ZPBP: variants seen among roughly 807,000 people sequenced by gnomAD.
ZPBP encodes zona pellucida binding protein, also known as zona pellucida-binding protein 1.
In ZPBP, 26 loss-of-function variants were observed where a neutral mutation model predicts 44.8. That is an observed-to-expected ratio of 0.58 (90% CI 0.43 to 0.81). ZPBP has a LOEUF of 0.81. Ranked by LOEUF, ZPBP falls within the 30% of genes least tolerant of loss-of-function variation. The pLI is 0.00. For synonymous variants in ZPBP, 174 were observed against 153.2 expected (o/e 1.14, Z -1.00); for missense variants, 409 against 434.0 (o/e 0.94, Z 0.51).
chr7:50,091,469 C>T (rs563855259), intron 1 of ZPBP, among the ~76,000 whole-genome samples: 2 of 152,260 alleles, frequency 1.3e-5, no homozygotes, highest in Non-Finnish European at 2.9e-5. Context: ...TCATCTCTCA[C>T]CTTACATAAA....
At chr7:50,016,439 TA>T (rs1284349950) in intron 6 of ZPBP, among the ~76,000 whole-genome samples, 1 of 152,022 alleles carries the variant, frequency 6.6e-6, no homozygotes, top group East Asian at 1.9e-4. Flanking sequence ...AAAAACAACC[TA>T]TCAGGTACTA....
intron 2 of ZPBP, among the ~76,000 whole-genome samples, chr7:49,883,501 GC>G (rs2094739043): frequency 6.6e-6 from 1 of 152,128 alleles, no homozygotes; most frequent in Non-Finnish European, 1.5e-5. Context: ...GATTAGGAAA[GC>G]TCAAGAAAAA....
chr7:49,888,386 A>G (rs946936984), intron 2 of ZPBP, among the ~76,000 whole-genome samples: 2 of 152,186 alleles, frequency 1.3e-5, no homozygotes, highest in Non-Finnish European at 2.9e-5. Flanking sequence ...CAGATTATCA[A>G]TTTAGGTATG....
In ZPBP at chr7:50,035,219, G is replaced by A. The variant is rs151273843; in HGVS notation, c.488-3909C>T. Among the ~76,000 whole-genome samples, 520 of 152,248 alleles carry A rather than the reference G, an allele frequency of 3.4e-3. 4 individuals carry two copies. Among genetic ancestry groups the A allele is most frequent in the African/African-American group, 0.012 (481 of 41,548 alleles). Reference sequence around the variant, plus strand: ...AAGCAAGGCCCCTAAGCCACCAATCGGAGATACTTTTGATTTGAGGCCTCT... The same window carrying A: ...AAGCAAGGCCCCTAAGCCACCAATCAGAGATACTTTTGATTTGAGGCCTCT... On this transcript the variant is annotated intron_variant, in intron 4 of 7. Transcript: ENST00000046087.
intron 2 of ZPBP, among the ~76,000 whole-genome samples, chr7:49,880,719 T>TA (rs1389481816): frequency 6.6e-6 from 1 of 152,050 alleles, no homozygotes; most frequent in Non-Finnish European, 1.5e-5. Flanking sequence ...CATTAGGAGA[T>TA]ACACCTAATG....
chr7:49,893,258 T>C lies in ZPBP; in HGVS notation n.509+7860A>G, dbSNP rs575227524. ...GGAGTTATGCACTAGGTTCCACGAA[T>C]CTAGAATACGGCATGTTCCCAGAGG... On this transcript the variant is annotated intron_variant and non_coding_transcript_variant, in intron 2 of 2. Transcript: ENST00000465922. Among the ~76,000 whole-genome samples the C allele has an allele frequency of 1.9e-3, 287 of 152,250 alleles. 3 individuals carry two copies. Among genetic ancestry groups the C allele is most frequent in the Admixed American group, 4.1e-3 (63 of 15,278 alleles).
chr7:49,975,860 G>C (rs1796488432), intron 7 of ZPBP, among the ~76,000 whole-genome samples: 1 of 152,156 alleles, frequency 6.6e-6, no homozygotes, highest in East Asian at 1.9e-4. Flanking sequence ...AATTTAAATT[G>C]ATCGTTTCAG....
In ZPBP at chr7:50,057,559, T is replaced by C. The variant is rs1256296696; in HGVS notation, c.487+430A>G. On this transcript the variant is annotated intron_variant, in intron 4 of 7. Coordinates refer to ENST00000046087, the MANE Select transcript of ZPBP (RefSeq NM_007009.3). ...ATTCTTACACATATCAACTGAGCTC[T>C]GCCAATTGTAAGCCTCAAAAGGTCA... Among the ~76,000 whole-genome samples, 3 of 152,144 alleles carry C rather than the reference T, an allele frequency of 2.0e-5. No homozygotes were observed. The East Asian group carries it at 5.8e-4, about 29-fold the overall frequency.
chr7:49,907,424 T>C (rs1251269928), intron 1 of ZPBP, among the ~76,000 whole-genome samples: 1 of 152,144 alleles, frequency 6.6e-6, no homozygotes, highest in Non-Finnish European at 1.5e-5. Flanking sequence ...AGGAATGACA[T>C]TTGCATTGTA....
At chr7:49,918,647 A>G (rs1354143581) in intron 1 of ZPBP, 1 of 152,224 alleles carries the variant, frequency 6.6e-6, no homozygotes, top group Non-Finnish European at 1.5e-5. Flanking sequence ...GTAAACTGCC[A>G]TTTATTAGGT....
intron 2 of ZPBP, among the ~76,000 whole-genome samples, chr7:49,881,357 C>CA (rs1378379004): frequency 6.6e-6 from 1 of 151,984 alleles, no homozygotes; most frequent in East Asian, 1.9e-4. Context: ...TTGAGAAATT[C>CA]AAAAAAACAG....
chr7:49,896,336 A>G (rs181068762), intron 2 of ZPBP, among the ~76,000 whole-genome samples: 26 of 152,288 alleles, frequency 1.7e-4, no homozygotes, highest in African/African-American at 6.0e-4. Context: ...GCAAGACTCT[A>G]CTTCAAAAAA....
chr7:50,066,456 C>G (rs1265566012), intron 3 of ZPBP, among the ~76,000 whole-genome samples: 1 of 138,166 alleles, frequency 7.2e-6, no homozygotes, highest in Admixed American at 7.0e-5. Flanking sequence ...TATGGTATTC[C>G]TTACCCAGGT....
At chr7:49,844,692 TTTA>T in the ZPBP span, among the ~76,000 whole-genome samples, 1 of 152,126 alleles carries the variant, frequency 6.6e-6, no homozygotes, top group Non-Finnish European at 1.5e-5. Context: ...CTTTTTTATT[TTTA>T]TTTTTATTTT....
intron 2 of ZPBP, among the ~76,000 whole-genome samples, chr7:49,856,304 T>C (rs1456451984): frequency 6.6e-6 from 1 of 152,152 alleles, no homozygotes; most frequent in Non-Finnish European, 1.5e-5. Context: ...TTATCTCAAG[T>C]GAAATCTGGT....
chr7:49,911,965 T>C (rs976339067), intron 1 of ZPBP: 5 of 903,630 alleles, frequency 5.5e-6, no homozygotes, highest in Non-Finnish European at 7.4e-6. Context: ...ACTGTAATGC[T>C]TAATACCTAA....
chr7:50,084,065 T>C (rs1802506117), intron 2 of ZPBP, among the ~76,000 whole-genome samples: 1 of 151,922 alleles, frequency 6.6e-6, no homozygotes, highest in Admixed American at 6.6e-5. Context: ...CATTTATAAC[T>C]GGAATATAAA....
intron 2 of ZPBP, among the ~76,000 whole-genome samples, chr7:49,887,711 A>T (rs565250839): frequency 1.0e-4 from 15 of 149,646 alleles, no homozygotes; most frequent in Non-Finnish European, 2.1e-4. Context: ...GCCCAGCTCA[A>T]ATGCAAGTGT....
At chr7:50,027,514 C>G (rs1300491424) in intron 5 of ZPBP, among the ~76,000 whole-genome samples, 3 of 151,438 alleles carry the variant, frequency 2.0e-5, no homozygotes, top group Non-Finnish European at 4.4e-5. Flanking sequence ...CTATACTTAA[C>G]AAGAAGAAAG....
Sources: allele counts gnomAD v4.1 joint callset (sites outside exome capture counted in the v4.1 genomes callset), GRCh38; gene constraint gnomAD v4.1.1; transcripts MANE v1.5; gene names NCBI Gene and HGNC (gene_info 2026-07-23, HGNC 2026-07-21).